PCDHA3: variants seen among roughly 807,000 people sequenced by gnomAD.
PCDHA3 encodes the protein protocadherin alpha 3.
A neutral mutation model predicts 62.2 loss-of-function variants in PCDHA3; 41 were observed. That is an observed-to-expected ratio of 0.66 (90% CI 0.51 to 0.86). The LOEUF is 0.86. Ranked by LOEUF, PCDHA3 falls within the 40% of genes least tolerant of loss-of-function variation. PCDHA3 has a pLI of 0.00. For synonymous variants in PCDHA3, 640 were observed against 555.4 expected (o/e 1.15, Z -2.14); for missense variants, 1,304 against 1,241.2 (o/e 1.05, Z -0.76).
intron 1 of PCDHA3, chr5:140,882,313 G>A (rs2059060330): frequency 1.2e-6 from 2 of 1,614,128 alleles, no homozygotes; most frequent in Non-Finnish European, 1.7e-6. Flanking sequence ...GGCAACTACT[G>A]CTCTGGCTTC....
At chr5:140,969,761 T>C (rs886878870) in intron 1 of PCDHA3, among the ~76,000 whole-genome samples, 1 of 152,234 alleles carries the variant, frequency 6.6e-6, no homozygotes, top group African/African-American at 2.4e-5. Flanking sequence ...TAAAAAGCTC[T>C]GAGGCCTCTA....
chr5:141,004,619 G>C (rs1004302739), intron 3 of PCDHA3, among the ~76,000 whole-genome samples: 9 of 152,136 alleles, frequency 5.9e-5, no homozygotes, highest in Non-Finnish European at 1.0e-4. Context: ...GCAGAGTCCT[G>C]GTTATGGTTG....
At chr5:140,882,565 C>T (rs782122682) in intron 1 of PCDHA3, 5 of 1,614,118 alleles carry the variant, frequency 3.1e-6, no homozygotes, top group Non-Finnish European at 4.2e-6. Context: ...GTGGGCGGAG[C>T]GCGGAGTGCA....
intron 1 of PCDHA3, chr5:140,877,641 C>T (rs548787462): frequency 1.9e-6 from 3 of 1,613,592 alleles, no homozygotes; most frequent in Non-Finnish European, 2.5e-6. Context: ...CGCTGCGTTG[C>T]TCAGCGCCGC....
intron 1 of PCDHA3, chr5:140,851,226 A>G (rs2041995732): frequency 3.5e-6 from 4 of 1,139,724 alleles, no homozygotes; most frequent in Non-Finnish European, 4.5e-6. Context: ...CATCACTATC[A>G]TTTATTTATT....
At chr5:140,945,178 C>T (rs2093753648) in intron 1 of PCDHA3, among the ~76,000 whole-genome samples, 2 of 151,902 alleles carry the variant, frequency 1.3e-5, no homozygotes, top group Admixed American at 1.3e-4. Flanking sequence ...AAAAATAAAT[C>T]AAGAAAACCA....
At chr5:141,004,030 C>T (rs1337271425) in intron 3 of PCDHA3, among the ~76,000 whole-genome samples, 1 of 152,204 alleles carries the variant, frequency 6.6e-6, no homozygotes, top group Non-Finnish European at 1.5e-5. Flanking sequence ...GAAACATTTC[C>T]TTGATTGATC....
intron 3 of PCDHA3, among the ~76,000 whole-genome samples, chr5:141,000,771 G>A (rs1318485268): frequency 2.0e-5 from 3 of 151,790 alleles, no homozygotes; most frequent in Non-Finnish European, 4.4e-5. Context: ...GCCAGGCATA[G>A]TGGCGCACAC....
chr5:140,990,427 AC>A (rs1488981685), intron 3 of PCDHA3, among the ~76,000 whole-genome samples: 5 of 152,174 alleles, frequency 3.3e-5, no homozygotes, highest in African/African-American at 1.2e-4. Flanking sequence ...ACCAGCATTG[AC>A]CCAATCTTGT....
chr5:140,880,309 A>G (rs2058299906), intron 1 of PCDHA3, among the ~76,000 whole-genome samples: 1 of 152,236 alleles, frequency 6.6e-6, no homozygotes. Flanking sequence ...TGAAAGAAAC[A>G]AGTAAAAAAT....
chr5:140,958,349 G>T lies in PCDHA3; in HGVS notation c.2395-20600G>T, dbSNP rs142186821. Among the ~76,000 whole-genome samples the T allele has an allele frequency of 7.9e-3, 1,199 of 152,218 alleles. 6 individuals carry two copies. The highest frequency in any genetic ancestry group is 0.012 in the Non-Finnish European group (790 of 67,966). On this transcript the variant is annotated intron_variant, in intron 1 of 3. Coordinates refer to ENST00000522353, the MANE Select transcript of PCDHA3 (RefSeq NM_018906.3). ...ATAAATAAATCACAGGAAGTTCACAGTCTGACTTTATCAGGAATGTTGCTA... is the reference window on the plus strand; with the variant it reads ...ATAAATAAATCACAGGAAGTTCACATTCTGACTTTATCAGGAATGTTGCTA...
intron 1 of PCDHA3, among the ~76,000 whole-genome samples, chr5:140,957,164 T>C (rs2095337835): frequency 6.6e-6 from 1 of 152,148 alleles, no homozygotes; most frequent in Non-Finnish European, 1.5e-5. Flanking sequence ...CAAATCTAAG[T>C]ATATAAATTG....
chr5:140,906,720 G>A (rs2072884338), intron 1 of PCDHA3, among the ~76,000 whole-genome samples: 1 of 152,182 alleles, frequency 6.6e-6, no homozygotes, highest in African/African-American at 2.4e-5. Context: ...CCTGGATTGT[G>A]CTGTTGTAGT....
In PCDHA3 at chr5:140,842,828, T is replaced by G. The variant is rs2150345538; in HGVS notation, c.2394+39237T>G. 123 of 1,593,622 alleles carry G rather than the reference T, an allele frequency of 7.7e-5. 15 individuals carry two copies. Among genetic ancestry groups the G allele is most frequent in the Admixed American group, 1.7e-4 (10 of 59,284 alleles). ...TGTGGAGCGGCGGGTGGGCGAGCGCTCGCTGTCGAGCTACATTTCGGTGCA... is the reference window on the plus strand; with the variant it reads ...TGTGGAGCGGCGGGTGGGCGAGCGCGCGCTGTCGAGCTACATTTCGGTGCA... On this transcript the variant is annotated intron_variant, in intron 1 of 3. Coordinates refer to ENST00000522353, the MANE Select transcript of PCDHA3 (RefSeq NM_018906.3).
intron 1 of PCDHA3, among the ~76,000 whole-genome samples, chr5:140,961,952 C>T (rs2095645754): frequency 6.6e-6 from 1 of 151,264 alleles, no homozygotes; most frequent in South Asian, 2.1e-4. Flanking sequence ...GGCATGATCT[C>T]GGCTCACTGC....
At chr5:140,915,264 G>A (rs536821921) in intron 1 of PCDHA3, among the ~76,000 whole-genome samples, 9 of 151,876 alleles carry the variant, frequency 5.9e-5, no homozygotes, top group Non-Finnish European at 1.3e-4. Context: ...TATTATTTTT[G>A]ACCAGTTCAT....
At chr5:140,818,235 A>C (rs2150100538) in intron 1 of PCDHA3, among the ~76,000 whole-genome samples, 2 of 152,010 alleles carry the variant, frequency 1.3e-5, no homozygotes, top group African/African-American at 4.8e-5. Context: ...CTTGTCTTTT[A>C]TGTGCCATTT....
chr5:140,843,700 T>G lies in PCDHA3; in HGVS notation c.2394+40109T>G. On this transcript the variant is annotated intron_variant, in intron 1 of 3. Coordinates refer to ENST00000522353, the MANE Select transcript of PCDHA3 (RefSeq NM_018906.3). ...TAGGCGAAGAGCAAGATTTAAATGT[T>G]GATCATGGCCTCAAAGTAAGTCCAT... The G allele has an allele frequency of 3.2e-6, 5 of 1,581,782 alleles. 1 individual carries two copies. Among genetic ancestry groups the G allele is most frequent in the Non-Finnish European group, 4.3e-6 (5 of 1,152,788 alleles).
chr5:140,980,819 A>C (rs1178317133), intron 2 of PCDHA3, among the ~76,000 whole-genome samples: 1 of 152,216 alleles, frequency 6.6e-6, no homozygotes, highest in East Asian at 1.9e-4. Context: ...TGAACATATT[A>C]AATGAGTTGT....
Sources: allele counts gnomAD v4.1 joint callset (sites outside exome capture counted in the v4.1 genomes callset), GRCh38; gene constraint gnomAD v4.1.1; transcripts MANE v1.5; gene names NCBI Gene and HGNC (gene_info 2026-07-23, HGNC 2026-07-21).